The following KDM4C variants were observed in gnomAD, a reference collection of about 807,000 sequenced individuals.
The protein encoded by KDM4C is lysine-specific demethylase 4C.
In KDM4C, 81 loss-of-function variants were observed where a neutral mutation model predicts 129.3. The ratio of observed to expected loss-of-function variants is 0.63; its 90% CI spans 0.52 to 0.75. The LOEUF (loss-of-function observed/expected upper bound fraction) is 0.75, where lower values mean the gene tolerates loss of function less well. Ranked by LOEUF, KDM4C falls within the 30% of genes least tolerant of loss-of-function variation. The probability of loss-of-function intolerance (pLI) is 0.00; values close to 1 mark genes in which losing one functional copy is unlikely to be tolerated. For missense variants in KDM4C, 1,457 were observed against 1,304.0 expected (o/e 1.12, Z -1.81); for synonymous variants, 573 against 456.1 (o/e 1.26, Z -3.26).
At chr9:6,942,855 C>G (rs1826202820) in intron 8 of KDM4C, among the ~76,000 whole-genome samples, 1 of 151,992 alleles carries the variant, frequency 6.6e-6, no homozygotes, top group South Asian at 2.1e-4. Context: ...CAGTGGTTAC[C>G]TCTGTGATCA....
At chr9:7,168,382 A>G (rs1320968024) in intron 20 of KDM4C, among the ~76,000 whole-genome samples, 3 of 152,194 alleles carry the variant, frequency 2.0e-5, no homozygotes, top group Non-Finnish European at 2.9e-5. Context: ...GAGTTAGAAC[A>G]TATTAAGTAT....
chr9:7,151,720 G>C (rs1293141088), intron 19 of KDM4C, among the ~76,000 whole-genome samples: 1 of 152,198 alleles, frequency 6.6e-6, no homozygotes, highest in Non-Finnish European at 1.5e-5. Context: ...GACTTGGATA[G>C]ACTTGGAGTT....
chr9:6,898,194 C>G (rs998263479), intron 8 of KDM4C, among the ~76,000 whole-genome samples: 1 of 152,182 alleles, frequency 6.6e-6, no homozygotes, highest in Non-Finnish European at 1.5e-5. Flanking sequence ...AGATTTTCAG[C>G]TTGACTGTTT....
chr9:6,819,994 G>T (rs1440810490), intron 4 of KDM4C, among the ~76,000 whole-genome samples: 1 of 151,916 alleles, frequency 6.6e-6, no homozygotes, highest in Non-Finnish European at 1.5e-5. Context: ...AATCTTAAAA[G>T]AATGGTAAGA....
At position 6,969,814 on chromosome 9, in the gene KDM4C, A is replaced by G. The variant is rs1456445095; in HGVS notation, c.922-11111A>G. Among the ~76,000 whole-genome samples the G allele has an allele frequency of 3.3e-5, 5 of 152,324 alleles. No homozygotes were observed. In the East Asian group the frequency reaches 7.7e-4, roughly 23 times the overall value. ...AATATTAAGTGCATCGATTCTGCCT[A>G]AGCTGGTCCTATGGGTAAACATTCT... is the stretch of plus-strand genomic sequence containing the variant. On this transcript the variant is annotated intron_variant, in intron 8 of 21. Transcript: ENST00000381309.
intron 8 of KDM4C, among the ~76,000 whole-genome samples, chr9:6,894,478 G>A (rs1298748587): frequency 6.6e-6 from 1 of 152,190 alleles, no homozygotes; most frequent in Non-Finnish European, 1.5e-5. Context: ...TTGAAGCAGT[G>A]TCTTGGCCAC....
chr9:6,981,156 C>G (rs376279119), intron 9 of KDM4C, 38 bp downstream of exon 9: 4 of 1,530,686 alleles, frequency 2.6e-6, no homozygotes, highest in Non-Finnish European at 3.5e-6. Context: ...CCTTGCCTGT[C>G]GTGTTTTCTC....
chr9:6,927,564 G>T (rs531636571), intron 8 of KDM4C, among the ~76,000 whole-genome samples: 3 of 152,314 alleles, frequency 2.0e-5, no homozygotes, highest in African/African-American at 7.2e-5. Flanking sequence ...TGTAGGACTT[G>T]CTCCCCAAAA....
rs536427392 is a variant in KDM4C at position 7,120,113 on chromosome 9, G to C, written c.2611-7953G>C. ...TTGACAGGTTGTTCTTGGCATTTTG[G>C]CTCAGAGTTCACTGCTGTAGAATGC... On this transcript the variant is annotated intron_variant, in intron 18 of 21. Coordinates refer to ENST00000381309, the MANE Select transcript of KDM4C (RefSeq NM_015061.6). Among the ~76,000 whole-genome samples the C allele has an allele frequency of 6.6e-5, 10 of 151,872 alleles. No individual in the cohort carries two copies. The East Asian group carries it at 7.7e-4, about 12-fold the overall frequency.
chr9:6,947,697 A>G (rs1239873041), intron 8 of KDM4C, among the ~76,000 whole-genome samples: 1 of 152,072 alleles, frequency 6.6e-6, no homozygotes, highest in Non-Finnish European at 1.5e-5. Context: ...ACCTGAATCC[A>G]GTTTATCCCT....
At chr9:6,864,735 C>G (rs1841608447) in intron 5 of KDM4C, among the ~76,000 whole-genome samples, 1 of 151,694 alleles carries the variant, frequency 6.6e-6, no homozygotes, top group Admixed American at 6.6e-5. Context: ...CTTGCTCTTG[C>G]TCAGTTCCCC....
chr9:7,081,296 T>C (rs1834499082), intron 17 of KDM4C, among the ~76,000 whole-genome samples: 1 of 152,114 alleles, frequency 6.6e-6, no homozygotes, highest in East Asian at 1.9e-4. Context: ...GGGAAAGAAA[T>C]TGAAGAATAA....
At chr9:7,052,952 A>C (rs1464974081) in intron 17 of KDM4C, among the ~76,000 whole-genome samples, 1 of 88,544 alleles carries the variant, frequency 1.1e-5, no homozygotes, top group Non-Finnish European at 2.2e-5. Context: ...ACTGCTCGTG[A>C]TGCATTCAAA....
At chr9:6,862,504 T>G (rs1022504310) in intron 5 of KDM4C, among the ~76,000 whole-genome samples, 17 of 152,168 alleles carry the variant, frequency 1.1e-4, no homozygotes, top group Admixed American at 8.5e-4. Flanking sequence ...TAGTTTTCCC[T>G]TAAAGGCTAA....
intron 15 of KDM4C, among the ~76,000 whole-genome samples, chr9:7,042,147 A>G (rs1475452576): frequency 6.6e-6 from 1 of 152,062 alleles, no homozygotes; most frequent in African/African-American, 2.4e-5. Flanking sequence ...TACATACATT[A>G]ATTTAGGGAA....
At chr9:6,806,588 C>G (rs796499207) in intron 3 of KDM4C, among the ~76,000 whole-genome samples, 6 of 152,212 alleles carry the variant, frequency 3.9e-5, no homozygotes, top group African/African-American at 1.4e-4. Context: ...GGTCAGGAAT[C>G]TGACCTTCAG....
At chr9:6,922,299 T>G (rs1415529034) in intron 8 of KDM4C, among the ~76,000 whole-genome samples, 1 of 152,264 alleles carries the variant, frequency 6.6e-6, no homozygotes, top group African/African-American at 2.4e-5. Flanking sequence ...TTTGCCCTTA[T>G]GCAGGGCATG....
At chr9:6,867,558 G>A (rs897110099) in intron 5 of KDM4C, among the ~76,000 whole-genome samples, 3 of 152,132 alleles carry the variant, frequency 2.0e-5, no homozygotes, top group African/African-American at 4.8e-5. Context: ...TTCATTTATC[G>A]TCAACTTCTT....
At chr9:6,757,323 A>G (rs1818371029), upstream of KDM4C, among the ~76,000 whole-genome samples, 1 of 149,540 alleles carries the variant, frequency 6.7e-6, no homozygotes, top group Non-Finnish European at 1.5e-5. Context: ...CCCTATCTTA[A>G]GAGCACACTT....
Sources: gnomAD v4.1 joint callset for allele counts (sites outside exome capture counted in the v4.1 genomes callset) on GRCh38, gnomAD v4.1.1 for gene constraint, MANE v1.5 for transcripts, NCBI Gene and HGNC (gene_info 2026-07-23, HGNC 2026-07-21) for gene names.